Variants in MAP3K15 observed in about 807,000 individuals in gnomAD.
The protein encoded by MAP3K15 is mitogen-activated protein kinase kinase kinase 15.
A neutral mutation model predicts 99.5 loss-of-function variants in MAP3K15; 124 were observed. That is an observed-to-expected ratio of 1.25 (90% CI 1.08 to 1.45). The LOEUF (loss-of-function observed/expected upper bound fraction) is 1.45, where lower values mean the gene tolerates loss of function less well. MAP3K15 is among the 40% of genes most tolerant of loss of function. MAP3K15 has a pLI of 0.00. For synonymous variants in MAP3K15, 494 were observed against 439.6 expected (o/e 1.12, Z -1.55); for missense variants, 1,242 against 1,079.7 (o/e 1.15, Z -2.11).
intron 6 of MAP3K15, among the ~76,000 whole-genome samples, chrX:19,431,949 T>C (rs1268904147): frequency 9.2e-6 from 1 of 108,423 alleles, no homozygotes; most frequent in African/African-American, 3.4e-5. Context: ...GCTTTTTTTT[T>C]TTTTTTTTTT....
chrX:19,423,700 T>C (rs915340556), intron 9 of MAP3K15, among the ~76,000 whole-genome samples: 1 of 111,956 alleles, frequency 8.9e-6, no homozygotes, highest in African/African-American at 3.2e-5. Flanking sequence ...GGACTGGCTA[T>C]TGGGAGATCA....
chrX:19,436,599 C>G (rs894212187), intron 6 of MAP3K15, among the ~76,000 whole-genome samples: 1 of 111,417 alleles, frequency 9.0e-6, no homozygotes, highest in Non-Finnish European at 1.9e-5. Flanking sequence ...CCCCTAAAAT[C>G]CAGACTCACA....
chrX:19,368,075 C>G (rs890697182), intron 25 of MAP3K15, among the ~76,000 whole-genome samples: 1 of 110,349 alleles, frequency 9.1e-6, no homozygotes, highest in Non-Finnish European at 1.9e-5. Context: ...AAAACCAAAT[C>G]ACGCAGCTGA....
intron 1 of MAP3K15, among the ~76,000 whole-genome samples, chrX:19,513,565 T>C (rs146098753): frequency 9.3e-6 from 1 of 107,547 alleles, no homozygotes; most frequent in African/African-American, 3.3e-5. Context: ...ACTCCCCCCC[T>C]ACCCCGCCCT....
chrX:19,503,763 C>T (rs1362833807), intron 1 of MAP3K15, among the ~76,000 whole-genome samples: 1 of 110,179 alleles, frequency 9.1e-6, no homozygotes, highest in Non-Finnish European at 1.9e-5. Context: ...TTTTCAGGCT[C>T]CTTCTTGCAG....
At chrX:19,368,847 T>TG (rs1015561361) in intron 25 of MAP3K15, among the ~76,000 whole-genome samples, 2 of 110,170 alleles carry the variant, frequency 1.8e-5, no homozygotes, top group African/African-American at 6.6e-5. Context: ...CTGAGTTTTT[T>TG]TTTTTTTTTT....
At chrX:19,479,721 C>G (rs2064276128) in intron 3 of MAP3K15, among the ~76,000 whole-genome samples, 1 of 112,425 alleles carries the variant, frequency 8.9e-6, no homozygotes, top group South Asian at 3.6e-4. Flanking sequence ...TGTATTTTCA[C>G]TCTTTTACTT....
At chrX:19,383,062 AC>A (rs2063470542) in intron 18 of MAP3K15, among the ~76,000 whole-genome samples, 1 of 110,388 alleles carries the variant, frequency 9.1e-6, no homozygotes, top group Admixed American at 9.7e-5. Flanking sequence ...GCTGTGTGTC[AC>A]CCCGTACTTC....
intron 9 of MAP3K15, among the ~76,000 whole-genome samples, chrX:19,424,431 G>A (rs1207853102): frequency 9.3e-6 from 1 of 108,008 alleles, no homozygotes; most frequent in Non-Finnish European, 1.9e-5. Context: ...ATCCAATACT[G>A]TCCACCCCTC....
rs145521083 is a variant in MAP3K15, at chrX:19,423,686, C to T, written c.1439+1845G>A. 3.0e-3 allele frequency among the ~76,000 whole-genome samples: 333 copies of T among 111,938 alleles called. 1 individual carries two copies. Among genetic ancestry groups the T allele is most frequent in the African/African-American group, 0.01 (317 of 30,851 alleles). On this transcript the variant is annotated intron_variant, in intron 9 of 28. Coordinates refer to ENST00000338883, the MANE Select transcript of MAP3K15 (RefSeq NM_001001671.4). ...CCACACATTCAAAAGAAAGATCTGG[C>T]CCTGGACTGGCTATTGGGAGATCAC...
At chrX:19,444,986 G>A (rs932528319) in intron 6 of MAP3K15, among the ~76,000 whole-genome samples, 10 of 110,410 alleles carry the variant, frequency 9.1e-5, no homozygotes, top group African/African-American at 3.3e-4. Flanking sequence ...TTAGTGGATA[G>A]GTCCCCAGCT....
At chrX:19,469,547 A>G (rs1267313610) in intron 3 of MAP3K15, among the ~76,000 whole-genome samples, 3 of 110,661 alleles carry the variant, frequency 2.7e-5, no homozygotes, top group Non-Finnish European at 5.7e-5. Context: ...AAAATTGACA[A>G]ATGGGATCTA....
chrX:19,415,832 T>G (rs1375970696), intron 9 of MAP3K15, among the ~76,000 whole-genome samples: 1 of 111,982 alleles, frequency 8.9e-6, no homozygotes, highest in East Asian at 2.8e-4. Context: ...TACAAAAAGT[T>G]AAAATGTACC....
intron 9 of MAP3K15, among the ~76,000 whole-genome samples, chrX:19,415,485 T>C (rs2063726941): frequency 8.9e-6 from 1 of 111,873 alleles, no homozygotes; most frequent in South Asian, 3.7e-4. Context: ...TTTACCAACA[T>C]TGTGCTAACC....
intron 3 of MAP3K15, among the ~76,000 whole-genome samples, chrX:19,481,601 A>G (rs943732778): frequency 8.9e-6 from 1 of 112,093 alleles, no homozygotes; most frequent in African/African-American, 3.2e-5. Context: ...ACACAGCCCA[A>G]TTTTAAACGG....
intron 3 of MAP3K15, among the ~76,000 whole-genome samples, chrX:19,469,508 A>C (rs1359978632): frequency 9.0e-6 from 1 of 111,357 alleles, no homozygotes; most frequent in Non-Finnish European, 1.9e-5. Context: ...TTCATGTCTA[A>C]AACACCAAAA....
intron 3 of MAP3K15, among the ~76,000 whole-genome samples, chrX:19,473,718 T>C (rs1170649712): frequency 9.0e-6 from 1 of 111,346 alleles, no homozygotes; most frequent in Non-Finnish European, 1.9e-5. Context: ...ATTTTTCCTC[T>C]AAAGGTTTTA....
intron 11 of MAP3K15, among the ~76,000 whole-genome samples, chrX:19,411,993 G>T (rs1429150184): frequency 1.8e-5 from 2 of 112,061 alleles, no homozygotes; most frequent in Non-Finnish European, 3.8e-5. Flanking sequence ...GCATAGAAAG[G>T]CTAAGTGTAC....
chrX:19,482,090 G>A (rs779127593), intron 3 of MAP3K15: 1 of 103,406 alleles, frequency 9.7e-6, no homozygotes, highest in Non-Finnish European at 1.9e-5. Context: ...TGAGGCAGGA[G>A]AATCACTTGA....
Sources: allele counts gnomAD v4.1 joint callset (sites outside exome capture counted in the v4.1 genomes callset), GRCh38; gene constraint gnomAD v4.1.1; transcripts MANE v1.5; gene names NCBI Gene and HGNC (gene_info 2026-07-23, HGNC 2026-07-21).